The following AARS1 variants were observed in gnomAD, a reference collection of about 807,000 sequenced individuals.
AARS1 encodes alanyl-tRNA synthetase 1.
AARS1 carries 72 observed loss-of-function variants against 108.9 expected under a neutral mutation model. The ratio of observed to expected loss-of-function variants is 0.66; its 90% CI spans 0.55 to 0.80. The LOEUF (loss-of-function observed/expected upper bound fraction) is 0.80, where lower values mean the gene tolerates loss of function less well. AARS1 is among the 30% of genes least tolerant of loss of function. AARS1 has a pLI of 0.00. For missense variants in AARS1, 1,193 were observed against 1,233.2 expected (o/e 0.97, Z 0.49); for synonymous variants, 489 against 465.7 (o/e 1.05, Z -0.64).
At chr16:70,255,677 G>A (rs1219509597) in intron 16 of AARS1, 51 bp downstream of exon 16, 3 of 1,520,402 alleles carry the variant, frequency 2.0e-6, no homozygotes, top group Non-Finnish European at 2.7e-6. Flanking sequence ...TCGCAGACTG[G>A]GCTCCTCTTG....
Position 70,255,771 on chromosome 16 carries a change from C to A in AARS1, c.2243G>T (p.Gly748Val). 1 of 1,614,210 alleles carries A rather than the reference C, an allele frequency of 6.2e-7. No homozygotes were observed. The highest frequency in any genetic ancestry group is 8.5e-7 in the Non-Finnish European group (1 of 1,180,040). The change falls in exon 16 of 21, where the codon GGT becomes GTT. Residue 748 changes from glycine to valine, a missense_variant. Coordinates refer to ENST00000261772, the MANE Select transcript of AARS1 (RefSeq NM_001605.3). ...VIVTEEAIAKGIRRIVAVTGA... is the reference protein window; with the variant it reads ...VIVTEEAIAKVIRRIVAVTGA... ...TGTGACAGCCACAATCCTCCGGATA[C>A]CCTTGGCAATGGCTTCTTCCGTCAC... is the stretch of plus-strand genomic sequence containing the variant.
At chr16:70,254,807 G>A (rs1283060179) in intron 16 of AARS1, 73 bp from the exon 17 acceptor site, 1 of 1,050,768 alleles carries the variant, frequency 9.5e-7, no homozygotes, top group African/African-American at 1.6e-5. Flanking sequence ...CTGAGCAGCT[G>A]CGGAAGCCCC....
At chr16:70,279,552 C>T (rs1236766659) in intron 2 of AARS1, among the ~76,000 whole-genome samples, 1 of 147,426 alleles carries the variant, frequency 6.8e-6, no homozygotes, top group African/African-American at 2.5e-5. Flanking sequence ...CCTAGCCACT[C>T]GGGAGGGTGA....
At chr16:70,260,670 AT>A (rs998613323) in intron 13 of AARS1, among the ~76,000 whole-genome samples, 7 of 149,812 alleles carry the variant, frequency 4.7e-5, no homozygotes, top group African/African-American at 7.3e-5. Flanking sequence ...TGACAGGACA[AT>A]TTTTTTTTTG....
In AARS1 at chr16:70,253,705, C is replaced by T; in HGVS notation, c.2607+9G>A. ...GCCCTAGGGGAGGGGACCCTGGCCC[C>T]TGGGTTGCCTTGGCTGAGGCGCCGC... is the stretch of plus-strand genomic sequence containing the variant. On this transcript the variant is annotated intron_variant, in intron 19 of 20. Transcript: ENST00000261772. 6.2e-7 allele frequency: 1 copy of T among 1,613,374 alleles called. No individual in the cohort carries two copies. Among genetic ancestry groups the T allele is most frequent in the Non-Finnish European group, 8.5e-7 (1 of 1,180,012 alleles).
At chr16:70,288,213 C>G (rs1960910467) in intron 1 of AARS1, among the ~76,000 whole-genome samples, 1 of 149,350 alleles carries the variant, frequency 6.7e-6, no homozygotes, top group Non-Finnish European at 1.5e-5. Flanking sequence ...CGCCATTCTC[C>G]TGCCTCAGCC....
chr16:70,274,629 C>G (rs1042157869), intron 4 of AARS1, among the ~76,000 whole-genome samples: 1 of 150,628 alleles, frequency 6.6e-6, no homozygotes, highest in Non-Finnish European at 1.5e-5. Context: ...GAGGCTGAGG[C>G]AGGAGAATTG....
intron 4 of AARS1, 21 bp downstream of exon 4, chr16:70,276,465 A>G (rs1960553421): frequency 6.2e-7 from 1 of 1,613,448 alleles, no homozygotes; most frequent in East Asian, 2.2e-5. Flanking sequence ...CATACTCTCA[A>G]GAAGTGATGT....
At chr16:70,276,709 C>T in intron 3 of AARS1, 78 bp from the exon 4 acceptor site, 1 of 1,482,720 alleles carries the variant, frequency 6.7e-7, no homozygotes, top group Non-Finnish European at 9.3e-7. Context: ...ATGCTAGGAA[C>T]ACAGATACAA....
chr16:70,262,967 C>CAAAAAAAAAAAAAAAAAAA (rs57444625), intron 11 of AARS1, among the ~76,000 whole-genome samples: 2 of 20,594 alleles, frequency 9.7e-5, no homozygotes, highest in African/African-American at 1.4e-4. Flanking sequence ...GACTCGGTCT[C>CAAAAAAAAAAAAAAAAAAA]AAAAAAAAAA....
intron 1 of AARS1, among the ~76,000 whole-genome samples, chr16:70,285,827 G>A (rs965517968): frequency 5.3e-5 from 8 of 152,206 alleles, no homozygotes; most frequent in African/African-American, 1.7e-4. Context: ...ATCTCCCAAG[G>A]TGTTGGGATG....
chr16:70,270,065 T>C, intron 6 of AARS1, 131 bp downstream of exon 6: 3 of 1,168,632 alleles, frequency 2.6e-6, no homozygotes, highest in Non-Finnish European at 3.8e-6. Context: ...TTATTAACAA[T>C]GAAGTAGGCA....
At chr16:70,287,105 G>T (rs1277424680) in intron 1 of AARS1, among the ~76,000 whole-genome samples, 1 of 151,570 alleles carries the variant, frequency 6.6e-6, no homozygotes, top group Non-Finnish European at 1.5e-5. Context: ...CAAAAAATTA[G>T]CCGGGCGTGG....
chr16:70,285,573 T>C (rs1453854613), intron 1 of AARS1, among the ~76,000 whole-genome samples: 1 of 152,120 alleles, frequency 6.6e-6, no homozygotes, highest in Admixed American at 6.6e-5. Flanking sequence ...CTCAGCCTCC[T>C]GGGTAACCTG....
At chr16:70,275,348 A>G (rs968618093) in intron 4 of AARS1, among the ~76,000 whole-genome samples, 22 of 147,086 alleles carry the variant, frequency 1.5e-4, no homozygotes, top group Admixed American at 4.1e-4. Context: ...AGGCGTGGTG[A>G]CTCATGCCTG....
At chr16:70,254,921 C>G (rs1447395996) in intron 16 of AARS1, among the ~76,000 whole-genome samples, 187 bp from the exon 17 acceptor site, 1 of 152,162 alleles carries the variant, frequency 6.6e-6, no homozygotes, top group African/African-American at 2.4e-5. Flanking sequence ...GCTCACAGGC[C>G]CATTGGCAAA....
Position 70,267,820 on chromosome 16 carries a change from G to A in AARS1, c.1072-11C>T. The A allele has an allele frequency of 6.2e-7, 1 of 1,614,134 alleles. No individual in the cohort carries two copies. Among genetic ancestry groups the A allele is most frequent in the Non-Finnish European group, 8.5e-7 (1 of 1,180,032 alleles). The stretch of plus-strand genomic sequence containing the variant: ...AGGAAATGCATCTCCCTGACAAAGG[G>A]GAAGCAAGATGAGGGGCTGGATGAA... On this transcript the variant is annotated splice_polypyrimidine_tract_variant and intron_variant, in intron 8 of 20. Coordinates refer to ENST00000261772, the MANE Select transcript of AARS1 (RefSeq NM_001605.3).
chr16:70,256,866 G>A (rs1176040839), intron 15 of AARS1, among the ~76,000 whole-genome samples: 1 of 152,084 alleles, frequency 6.6e-6, no homozygotes, highest in Non-Finnish European at 1.5e-5. Flanking sequence ...TGTAATCTCA[G>A]CACTTTGGGA....
Position 70,265,544 on chromosome 16 carries a change from C to CA in AARS1, c.1340dup (p.Ala448GlyfsTer36). 6.2e-7 allele frequency: 1 copy of CA among 1,613,890 alleles called. No homozygotes were observed. Among genetic ancestry groups the CA allele is most frequent in the Non-Finnish European group, 8.5e-7 (1 of 1,179,888 alleles). On this transcript the variant is annotated frameshift_variant, in exon 10 of 21. Coordinates refer to ENST00000261772, the MANE Select transcript of AARS1 (RefSeq NM_001605.3). LOFTEE classifies it high-confidence loss of function. ...CACTCTCCAAGTTCTTTACCTGGGC[C>CA]AGTTTCCTCTCCTCTTCAAAGCCAT...
Sources: allele counts gnomAD v4.1 joint callset (sites outside exome capture counted in the v4.1 genomes callset), GRCh38; gene constraint gnomAD v4.1.1; transcripts MANE v1.5; gene names NCBI Gene and HGNC (gene_info 2026-07-23, HGNC 2026-07-21).